Variants in SLC38A11 observed in about 807,000 individuals in gnomAD.
SLC38A11 encodes the protein putative sodium-coupled neutral amino acid transporter 11.
A neutral mutation model predicts 49.4 loss-of-function variants in SLC38A11; 51 were observed. The observed-to-expected ratio is 1.03, with a 90% CI of 0.83 to 1.30. SLC38A11 has a LOEUF of 1.30. Ranked by LOEUF, SLC38A11 falls within the 50% of genes most tolerant of loss-of-function variation. The pLI is 0.00. For missense variants in SLC38A11, 574 were observed against 556.2 expected (o/e 1.03, Z -0.32); for synonymous variants, 203 against 192.9 (o/e 1.05, Z -0.43).
chr2:164,939,940 G>A (rs947854153), intron 5 of SLC38A11, among the ~76,000 whole-genome samples: 1 of 148,628 alleles, frequency 6.7e-6, no homozygotes, highest in Non-Finnish European at 1.5e-5. Flanking sequence ...ACTCTTTAAT[G>A]ACAAAACCCT....
chr2:164,935,785 C>T (rs766235693), intron 7 of SLC38A11, among the ~76,000 whole-genome samples: 4 of 152,164 alleles, frequency 2.6e-5, no homozygotes, highest in Non-Finnish European at 5.9e-5. Flanking sequence ...ACTGTGCTGG[C>T]ATTTGGAGTT....
At chr2:164,944,306 A>G (rs1381910680) in intron 5 of SLC38A11, among the ~76,000 whole-genome samples, 1 of 152,218 alleles carries the variant, frequency 6.6e-6, no homozygotes, top group Non-Finnish European at 1.5e-5. Flanking sequence ...GGTGATATGA[A>G]GCATAAAAAA....
chr2:164,919,461 A>G (rs1415340034), intron 7 of SLC38A11, among the ~76,000 whole-genome samples: 1 of 152,232 alleles, frequency 6.6e-6, no homozygotes, highest in African/African-American at 2.4e-5. Context: ...TAAAACATCC[A>G]TATGATAAAA....
Position 164,907,458 on chromosome 2 carries a change from G to C in SLC38A11, c.1095+1182C>G, listed in dbSNP as rs1685096978. Among the ~76,000 whole-genome samples the C allele has an allele frequency of 1.3e-5, 2 of 151,026 alleles. 1 individual carries two copies. The highest frequency in any genetic ancestry group is 1.3e-4 in the Admixed American group (2 of 15,116). ...CCGGCTAATTTTTTGTAGAGACGGG[G>C]TTTCACTGTGTTGCCCAGGCTGGTC... On this transcript the variant is annotated intron_variant, in intron 11 of 11. Transcript: ENST00000685975.
At chr2:164,935,405 T>C (rs1260684478) in intron 7 of SLC38A11, among the ~76,000 whole-genome samples, 1 of 150,812 alleles carries the variant, frequency 6.6e-6, no homozygotes, top group East Asian at 2.0e-4. Flanking sequence ...CATGGTGGTT[T>C]ACACCTGTTA....
rs769715336 is a variant in SLC38A11, at chr2:164,915,915, C to A, written c.676G>T (p.Val226Phe). Residue 226 changes from valine to phenylalanine, a missense_variant, in exon 8 of 12, where the codon GTT (valine) becomes TTT (phenylalanine). Transcript: ENST00000685975. ...ACCAAATACTCACCAAAAGACATAA[C>A]CCCGACCGCTTGAATGGCATTGGGC... ...AKPNAIQAVG[V>F]MSFAFICHHN... The A allele has an allele frequency of 1.9e-6, 3 of 1,602,762 alleles. No homozygotes were observed. Among genetic ancestry groups the A allele is most frequent in the Non-Finnish European group, 2.6e-6 (3 of 1,171,630 alleles).
intron 7 of SLC38A11, among the ~76,000 whole-genome samples, chr2:164,931,689 A>G (rs1687018971): frequency 6.6e-6 from 1 of 152,214 alleles, no homozygotes; most frequent in South Asian, 2.1e-4. Context: ...TCCTTATTCA[A>G]TAAATGATCC....
chr2:164,946,564 C>CA (rs34775521), intron 3 of SLC38A11, among the ~76,000 whole-genome samples: 25,728 of 106,368 alleles, frequency 0.24, 2,862 homozygotes, highest in Middle Eastern at 0.34. Flanking sequence ...GACTCCCTCT[C>CA]AAAAAAAAAA....
intron 11 of SLC38A11, among the ~76,000 whole-genome samples, chr2:164,907,407 G>A (rs2105450769): frequency 6.7e-6 from 1 of 150,316 alleles, no homozygotes; most frequent in Admixed American, 6.7e-5. Context: ...TCAAGTAGCT[G>A]GGACTACAGG....
chr2:164,951,515 T>C (rs917962558), intron 3 of SLC38A11, among the ~76,000 whole-genome samples: 6 of 152,182 alleles, frequency 3.9e-5, no homozygotes, highest in Non-Finnish European at 7.3e-5. Context: ...GTTTAGGTCT[T>C]AAGGGTGGAG....
At chr2:164,930,302 C>T (rs868036393) in intron 7 of SLC38A11, among the ~76,000 whole-genome samples, 17 of 152,150 alleles carry the variant, frequency 1.1e-4, no homozygotes, top group Middle Eastern at 3.4e-3. Flanking sequence ...GAACGATTCA[C>T]GGCTGAATTC....
At chr2:164,945,859 G>C (rs1688071347) in intron 3 of SLC38A11, 132 bp from the exon 4 acceptor site, 2 of 927,828 alleles carry the variant, frequency 2.2e-6, no homozygotes, top group South Asian at 3.3e-5. Flanking sequence ...TATTAGCAGA[G>C]CCAGGCTAAC....
At chr2:164,925,005 C>CA (rs1686469461) in intron 7 of SLC38A11, among the ~76,000 whole-genome samples, 1 of 152,182 alleles carries the variant, frequency 6.6e-6, no homozygotes, top group Non-Finnish European at 1.5e-5. Context: ...CTCAGCCTCC[C>CA]AAAGTGCTGG....
chr2:164,939,365 C>A (rs945555122), intron 6 of SLC38A11, 85 bp downstream of exon 6: 2 of 795,398 alleles, frequency 2.5e-6, no homozygotes, highest in Non-Finnish European at 4.0e-6. Context: ...AGATGAATAC[C>A]GTAATTAAGA....
intron 11 of SLC38A11, 75 bp from the exon 12 acceptor site, chr2:164,898,805 A>G: frequency 2.1e-6 from 3 of 1,439,866 alleles, no homozygotes; most frequent in East Asian, 2.4e-5. Flanking sequence ...AAAAGCATTT[A>G]CAAAATGTGT....
chr2:164,904,471 T>C lies in SLC38A11; in HGVS notation c.1095+4169A>G, dbSNP rs541713314. Among the ~76,000 whole-genome samples, 34 of 152,298 alleles carry C rather than the reference T, an allele frequency of 2.2e-4. 1 individual carries two copies. The Middle Eastern group carries it at 0.01, about 46-fold the overall frequency. The stretch of plus-strand genomic sequence containing the variant: ...ATTCAATAACTATTACCTCAATTCA[T>C]TTTATTCTATATTATTTGGTGATAC... On this transcript the variant is annotated intron_variant, in intron 11 of 11. Transcript: ENST00000685975.
intron 7 of SLC38A11, among the ~76,000 whole-genome samples, chr2:164,936,781 T>A (rs897733479): frequency 8.5e-5 from 13 of 152,122 alleles, no homozygotes; most frequent in African/African-American, 3.1e-4. Context: ...TAAAATTTCA[T>A]GAATGAGTAA....
chr2:164,930,072 T>C (rs1273277031), intron 7 of SLC38A11, among the ~76,000 whole-genome samples: 3 of 151,676 alleles, frequency 2.0e-5, no homozygotes, highest in Non-Finnish European at 2.9e-5. Flanking sequence ...AGGGGAATAT[T>C]ACCACTGACC....
intron 7 of SLC38A11, among the ~76,000 whole-genome samples, chr2:164,928,662 C>G (rs973418878): frequency 6.7e-6 from 1 of 149,074 alleles, no homozygotes. Context: ...ATGTGTAGAT[C>G]CCTTCTCACT....
Sources: gnomAD v4.1 joint callset for allele counts (sites outside exome capture counted in the v4.1 genomes callset) on GRCh38, gnomAD v4.1.1 for gene constraint, MANE v1.5 for transcripts, NCBI Gene and HGNC (gene_info 2026-07-23, HGNC 2026-07-21) for gene names.